Variants in ANKFN1 observed in about 807,000 individuals in gnomAD.
ANKFN1 encodes ankyrin repeat and fibronectin type-III domain-containing protein 1.
A neutral mutation model predicts 108.7 loss-of-function variants in ANKFN1; 74 were observed. That is an observed-to-expected ratio of 0.68 (90% CI 0.56 to 0.83). The LOEUF (loss-of-function observed/expected upper bound fraction) is 0.83, where lower values mean the gene tolerates loss of function less well. Among genes scored for constraint, ANKFN1 ranks in the 40% least tolerant of loss-of-function variants. The pLI, the probability that ANKFN1 is intolerant of heterozygous loss-of-function variation, is 0.00. For missense variants in ANKFN1, 1,505 were observed against 1,382.3 expected, an observed-to-expected ratio of 1.09 and a Z score of -1.41; for synonymous variants, 547 against 516.2, an observed-to-expected ratio of 1.06 and a Z score of -0.81.
intron 3 of ANKFN1, among the ~76,000 whole-genome samples, chr17:56,248,318 C>G (rs546325686): frequency 1.3e-5 from 2 of 152,116 alleles, no homozygotes; most frequent in Non-Finnish European, 2.9e-5. Context: ...GGTAATAGAC[C>G]TCTTCTCTGG....
intron 16 of ANKFN1, among the ~76,000 whole-genome samples, chr17:56,478,385 A>G (rs1012372286): frequency 3.3e-5 from 5 of 152,210 alleles, no homozygotes; most frequent in Non-Finnish European, 7.3e-5. Context: ...TGGGTTTCAT[A>G]GAGCCAATGA....
At chr17:56,463,062 T>G (rs2049964819) in intron 14 of ANKFN1, among the ~76,000 whole-genome samples, 1 of 152,216 alleles carries the variant, frequency 6.6e-6, no homozygotes, top group East Asian at 1.9e-4. Flanking sequence ...TTTTCTGGGT[T>G]TCTGCTCTCT....
intron 4 of ANKFN1, among the ~76,000 whole-genome samples, chr17:56,138,285 A>G (rs911755148): frequency 5.3e-5 from 8 of 152,342 alleles, no homozygotes; most frequent in South Asian, 2.1e-4. Context: ...AAAAAAGTCC[A>G]TCCAGAAAAT....
chr17:56,065,928 C>T, intron 4 of ANKFN1, among the ~76,000 whole-genome samples: 1 of 152,306 alleles, frequency 6.6e-6, no homozygotes, highest in Admixed American at 6.5e-5. Context: ...AGAATTGCCA[C>T]AAGCCTTCAA....
intron 6 of ANKFN1, among the ~76,000 whole-genome samples, chr17:56,355,948 T>C (rs2046365068): frequency 6.6e-6 from 1 of 152,090 alleles, no homozygotes; most frequent in African/African-American, 2.4e-5. Flanking sequence ...CACTCCCCAA[T>C]CTCCCCAACT....
intron 15 of ANKFN1, among the ~76,000 whole-genome samples, chr17:56,469,367 T>C (rs745741242): frequency 6.6e-6 from 1 of 151,736 alleles, no homozygotes; most frequent in Non-Finnish European, 1.5e-5. Flanking sequence ...ATATCAGGAG[T>C]TGGCCCCACC....
intron 4 of ANKFN1, among the ~76,000 whole-genome samples, chr17:56,332,031 T>C (rs968365716): frequency 2.6e-5 from 4 of 152,154 alleles, no homozygotes; most frequent in African/African-American, 9.6e-5. Context: ...TACTGGCTAC[T>C]GAAAGTCTCC....
At chr17:56,488,630 T>G (rs1381296751) in intron 18 of ANKFN1, among the ~76,000 whole-genome samples, 1 of 152,244 alleles carries the variant, frequency 6.6e-6, no homozygotes, top group Admixed American at 6.5e-5. Flanking sequence ...ATTCCTTTAT[T>G]CCACCTGTCA....
At chr17:56,453,914 G>T (rs933955973) in intron 11 of ANKFN1, among the ~76,000 whole-genome samples, 2 of 151,816 alleles carry the variant, frequency 1.3e-5, no homozygotes, top group East Asian at 3.9e-4. Context: ...CTCTCTGGAA[G>T]GTTTTAAGTT....
intron 1 of ANKFN1, among the ~76,000 whole-genome samples, chr17:56,153,804 CT>C (rs1477239596): frequency 1.3e-5 from 2 of 152,072 alleles, no homozygotes; most frequent in Non-Finnish European, 2.9e-5. Context: ...CAAGTTTTTA[CT>C]TTATGGTCTG....
intron 8 of ANKFN1, among the ~76,000 whole-genome samples, chr17:56,387,716 C>T (rs2047315931): frequency 6.6e-6 from 1 of 152,130 alleles, no homozygotes; most frequent in South Asian, 2.1e-4. Context: ...GGTCTTTGAT[C>T]TCTGAAAAAC....
At chr17:56,450,072 G>A (rs2049432492) in intron 11 of ANKFN1, among the ~76,000 whole-genome samples, 2 of 152,094 alleles carry the variant, frequency 1.3e-5, no homozygotes, top group Admixed American at 1.3e-4. Flanking sequence ...CATTTTCCAT[G>A]CCCCCATCAG....
At chr17:56,482,057 A>G (rs1342698105) in intron 17 of ANKFN1, among the ~76,000 whole-genome samples, 2 of 151,922 alleles carry the variant, frequency 1.3e-5, no homozygotes, top group Non-Finnish European at 2.9e-5. Flanking sequence ...AATTCAATCC[A>G]TTTTTGTTGC....
At chr17:56,397,001 G>A (rs1241101927) in intron 8 of ANKFN1, among the ~76,000 whole-genome samples, 18 of 151,750 alleles carry the variant, frequency 1.2e-4, no homozygotes. Flanking sequence ...AACTCTCCTA[G>A]TCTACCAGTC....
At chr17:56,166,178 C>T (rs1292279021) in intron 1 of ANKFN1, among the ~76,000 whole-genome samples, 1 of 152,152 alleles carries the variant, frequency 6.6e-6, no homozygotes, top group African/African-American at 2.4e-5. Flanking sequence ...ACAATGTAAC[C>T]ATGTGACCTT....
At chr17:56,252,141 A>G (rs2043249116) in intron 3 of ANKFN1, 1 of 152,204 alleles carries the variant, frequency 6.6e-6, no homozygotes. Context: ...CTGCTCAGAG[A>G]ATGCAAATTC....
intron 2 of ANKFN1, among the ~76,000 whole-genome samples, chr17:56,213,299 G>A (rs1203566313): frequency 6.6e-6 from 1 of 152,162 alleles, no homozygotes; most frequent in South Asian, 2.1e-4. Flanking sequence ...CTGACTTGCA[G>A]CATTAACACA....
At chr17:56,261,465 A>T (rs2043508857) in intron 3 of ANKFN1, among the ~76,000 whole-genome samples, 1 of 152,182 alleles carries the variant, frequency 6.6e-6, no homozygotes, top group Non-Finnish European at 1.5e-5. Flanking sequence ...GGAGTTTATT[A>T]AGGAGTATTG....
chr17:56,046,622 C>A (rs1320490113), intron 4 of ANKFN1, among the ~76,000 whole-genome samples: 2 of 152,110 alleles, frequency 1.3e-5, no homozygotes, highest in African/African-American at 4.8e-5. Flanking sequence ...GGAGCTTTCC[C>A]AGGTGAAAGA....
Sources: allele counts gnomAD v4.1 joint callset (sites outside exome capture counted in the v4.1 genomes callset), GRCh38; gene constraint gnomAD v4.1.1; transcripts MANE v1.5; gene names NCBI Gene and HGNC (gene_info 2026-07-23, HGNC 2026-07-21).